The following ZNF280D variants were observed in gnomAD, a reference collection of about 807,000 sequenced individuals.
ZNF280D encodes zinc finger protein 280D.
Under a neutral mutation model 94.7 loss-of-function variants are expected in ZNF280D, and 39 were observed. That is an observed-to-expected ratio of 0.41 (90% CI 0.32 to 0.54). The LOEUF (loss-of-function observed/expected upper bound fraction) is 0.54. Among genes scored for constraint, ZNF280D ranks in the 20% least tolerant of loss-of-function variants. The pLI is 0.22. For synonymous variants in ZNF280D, 398 were observed against 377.6 expected, an observed-to-expected ratio of 1.05 and a Z score of -0.63; for missense variants, 1,090 against 1,149.3, an observed-to-expected ratio of 0.95 and a Z score of 0.75.
At position 56,702,970 on chromosome 15, in the gene ZNF280D, C is replaced by T. The variant is rs535244615; in HGVS notation, c.175+1151G>A. ...ACACACACACACACACGCTGGTAAACTGGGTACATAAAATTCTTTGGTAAA... is the reference window on the plus strand; with the variant it reads ...ACACACACACACACACGCTGGTAAATTGGGTACATAAAATTCTTTGGTAAA... On this transcript the variant is annotated intron_variant, in intron 4 of 21. Transcript: ENST00000267807. Among the ~76,000 whole-genome samples, 50 of 148,872 alleles carry T rather than the reference C, an allele frequency of 3.4e-4. 2 individuals are homozygous for T. In the South Asian group the frequency reaches 0.01, roughly 31 times the overall value.
intron 20 of ZNF280D, among the ~76,000 whole-genome samples, chr15:56,642,109 T>C (rs1349579837): frequency 6.6e-6 from 1 of 151,556 alleles, no homozygotes; most frequent in African/African-American, 2.4e-5. Flanking sequence ...ACATATTAGG[T>C]AAAATGAACC....
chr15:56,714,842 A>T (rs755438857), intron 1 of ZNF280D, among the ~76,000 whole-genome samples: 1 of 152,200 alleles, frequency 6.6e-6, no homozygotes, highest in Admixed American at 6.5e-5. Flanking sequence ...TTAATGATTA[A>T]GAATTTGAAA....
intron 20 of ZNF280D, among the ~76,000 whole-genome samples, chr15:56,639,485 G>A (rs73423633): frequency 1.3e-5 from 2 of 152,136 alleles, no homozygotes; most frequent in East Asian, 3.9e-4. Context: ...AATGAAAAAA[G>A]GATGGGTGAA....
intron 13 of ZNF280D, among the ~76,000 whole-genome samples, chr15:56,672,326 T>C (rs2054923179): frequency 6.6e-6 from 1 of 152,172 alleles, no homozygotes; most frequent in Non-Finnish European, 1.5e-5. Flanking sequence ...TTGTCATATA[T>C]GGCTCTTATT....
intron 13 of ZNF280D, among the ~76,000 whole-genome samples, chr15:56,676,228 G>C (rs1472171063): frequency 6.6e-6 from 1 of 151,896 alleles, no homozygotes; most frequent in Non-Finnish European, 1.5e-5. Context: ...AATGATAAGG[G>C]GTTAGAAAGT....
intron 16 of ZNF280D, among the ~76,000 whole-genome samples, chr15:56,660,793 G>T (rs2053886970): frequency 6.6e-6 from 1 of 151,952 alleles, no homozygotes; most frequent in African/African-American, 2.4e-5. Context: ...CAAGAAAACT[G>T]AGGTCAAAAA....
rs575419809 is a variant in ZNF280D at position 56,677,037 on chromosome 15, A to G, written c.1264-221T>C. ...AAGGGATACATCCCAAAACAAAACT[A>G]GATCTCCTTCTCTTTATCAGATCTT... On this transcript the variant is annotated intron_variant, in intron 12 of 21. Transcript: ENST00000267807. 2.2e-4 allele frequency among the ~76,000 whole-genome samples: 33 copies of G among 152,290 alleles called. No individual in the cohort carries two copies. In the South Asian group the frequency reaches 6.6e-3, roughly 31 times the overall value.
chr15:56,729,902 T>C (rs1348824748), intron 1 of ZNF280D: 1 of 152,244 alleles, frequency 6.6e-6, no homozygotes, highest in Non-Finnish European at 1.5e-5. Context: ...ATATTTGTTG[T>C]AGGAGTGTTA....
chr15:56,685,134 T>G (rs2055911004), intron 9 of ZNF280D, among the ~76,000 whole-genome samples: 1 of 152,256 alleles, frequency 6.6e-6, no homozygotes, highest in East Asian at 1.9e-4. Context: ...TAGATCAAAC[T>G]GTCTTTACAG....
chr15:56,654,203 A>G lies in ZNF280D; in HGVS notation c.2208T>C (p.Leu736=), dbSNP rs2053385311. 6.2e-7 allele frequency: 1 copy of G among 1,609,562 alleles called. No individual in the cohort carries two copies. The highest frequency in any genetic ancestry group is 1.1e-5 in the South Asian group (1 of 89,354). The change falls in exon 19 of 22, where the codon CTT becomes CTC. Residue 736 remains leucine, a synonymous_variant. Coordinates refer to ENST00000267807, the MANE Select transcript of ZNF280D (RefSeq NM_017661.4). ...TGAATAAAAATTAAACTTACTCAGA[A>G]AGGTGCTCAGAAGTTGGGATACAAA... The part of the protein sequence containing the change: ...VSVCIPTSEH[L]SELKKEAPAK...
In ZNF280D at chr15:56,693,329, C is replaced by T. The variant is rs1275335018; in HGVS notation, c.382-114G>A. 3 of 276,982 alleles carry T rather than the reference C, an allele frequency of 1.1e-5. No individual in the cohort carries two copies. The Admixed American group carries it at 1.7e-4, about 15-fold the overall frequency. 17.2% of individuals were successfully genotyped at this position (276,982 alleles called of 1,614,324 possible). A position where few individuals can be genotyped will look rare whatever the true frequency, so the allele number is the denominator to read the frequency against. On this transcript the variant is annotated intron_variant, in intron 6 of 21. Coordinates refer to ENST00000267807, the MANE Select transcript of ZNF280D (RefSeq NM_017661.4). ...TTATATAAGAATTTTATTTCATAGACATTTATAAAAGTAAATTGTATGCCC... is the reference window on the plus strand; with the variant it reads ...TTATATAAGAATTTTATTTCATAGATATTTATAAAAGTAAATTGTATGCCC...
intron 16 of ZNF280D, among the ~76,000 whole-genome samples, chr15:56,663,879 CAG>C (rs1228904819): frequency 2.0e-5 from 3 of 151,766 alleles, no homozygotes; most frequent in African/African-American, 4.8e-5. Context: ...TCTGGGGTGA[CAG>C]AGTGAGACCC....
chr15:56,723,993 A>G (rs1269705813), intron 1 of ZNF280D, among the ~76,000 whole-genome samples: 4 of 152,196 alleles, frequency 2.6e-5, no homozygotes, highest in African/African-American at 7.2e-5. Flanking sequence ...ACTGTATGTT[A>G]TCAGTTGTTT....
rs2054675234 is a variant in ZNF280D at position 56,669,948 on chromosome 15, ATTATATAT to A, written c.1411-999_1411-992del. Reference sequence around the variant, plus strand: ...TATTATATATATATTATATATATATATTATATATATATATTATATATATATAATATATA... The same window carrying A: ...TATTATATATATATTATATATATATAATATATTATATATATATAATATATA... On this transcript the variant is annotated intron_variant, in intron 13 of 21. Coordinates refer to ENST00000267807, the MANE Select transcript of ZNF280D (RefSeq NM_017661.4). 7.8e-4 allele frequency among the ~76,000 whole-genome samples: 2 copies of A among 2,568 alleles called. 1 individual carries two copies. The highest frequency in any genetic ancestry group is 1.3e-3 in the Non-Finnish European group (2 of 1,484). 1.7% of individuals were successfully genotyped at this position (2,568 alleles called of 152,430 possible). A position where few individuals can be genotyped will look rare whatever the true frequency, so the allele number is the denominator to read the frequency against.
chr15:56,645,282 TTACAA>T (rs1200861460), intron 19 of ZNF280D: 1 of 152,206 alleles, frequency 6.6e-6, no homozygotes, highest in Non-Finnish European at 1.5e-5. Context: ...CCTGTGAATG[TTACAA>T]TACTTCTTAA....
At position 56,632,146 on chromosome 15, in the gene ZNF280D, T is replaced by A. The variant is rs529041688; in HGVS notation, c.2316-24A>T. 9 of 1,507,672 alleles carry A rather than the reference T, an allele frequency of 6.0e-6. No homozygotes were observed. In the South Asian group the frequency reaches 1.0e-4, roughly 17 times the overall value. The allele number at this position is 1,507,672 out of a possible 1,614,324, so 93.4% of individuals were successfully genotyped here. A position where few individuals can be genotyped will look rare whatever the true frequency, so the allele number is the denominator to read the frequency against. Reference sequence around the variant, plus strand: ...TACTGAAAAATAAAGTCATTTATTATGTATTTCTTCATAAAGCAATGTTTT... The same window carrying A: ...TACTGAAAAATAAAGTCATTTATTAAGTATTTCTTCATAAAGCAATGTTTT... On this transcript the variant is annotated intron_variant, in intron 21 of 21. Coordinates refer to ENST00000267807, the MANE Select transcript of ZNF280D (RefSeq NM_017661.4).
chr15:56,635,139 C>A, intron 21 of ZNF280D, 56 bp downstream of exon 21: 1 of 1,090,438 alleles, frequency 9.2e-7, no homozygotes, highest in South Asian at 1.6e-5. Context: ...TAATGCAGCT[C>A]AAGTGTTATT....
chr15:56,670,463 T>A (rs1163674401), intron 13 of ZNF280D, among the ~76,000 whole-genome samples: 1 of 151,982 alleles, frequency 6.6e-6, no homozygotes, highest in African/African-American at 2.4e-5. Context: ...GTTCCTGCAT[T>A]AGTTTGCTAA....
intron 19 of ZNF280D, among the ~76,000 whole-genome samples, chr15:56,643,664 C>T (rs2052735840): frequency 6.6e-6 from 1 of 151,804 alleles, no homozygotes; most frequent in African/African-American, 2.4e-5. Context: ...AATCTAAGAA[C>T]TAGCTTATCC....
Sources: allele counts gnomAD v4.1 joint callset (sites outside exome capture counted in the v4.1 genomes callset), GRCh38; gene constraint gnomAD v4.1.1; transcripts MANE v1.5; gene names NCBI Gene and HGNC (gene_info 2026-07-23, HGNC 2026-07-21).